MAGI2: variants seen among roughly 807,000 people sequenced by gnomAD.
The protein encoded by MAGI2 is membrane associated guanylate kinase, WW and PDZ domain containing 2, also known as membrane-associated guanylate kinase, WW and PDZ domain-containing protein 2.
A neutral mutation model predicts 133.3 loss-of-function variants in MAGI2; 35 were observed. The observed-to-expected ratio is 0.26, with a 90% CI of 0.20 to 0.35. The LOEUF (loss-of-function observed/expected upper bound fraction) is 0.35. Among genes scored for constraint, MAGI2 ranks in the 10% least tolerant of loss-of-function variants. The pLI, the probability that MAGI2 is intolerant of heterozygous loss-of-function variation, is 1.00. For synonymous variants in MAGI2, 729 were observed against 710.6 expected (o/e 1.03, Z -0.41); for missense variants, 1,636 against 1,863.4 (o/e 0.88, Z 2.25).
chr7:78,822,699 A>G (rs1780490348), intron 2 of MAGI2, among the ~76,000 whole-genome samples: 1 of 152,132 alleles, frequency 6.6e-6, no homozygotes, highest in South Asian at 2.1e-4. Context: ...TTCCCCACCT[A>G]CTGCCTGTTT....
chr7:79,067,467 T>C (rs1814470871), intron 1 of MAGI2, among the ~76,000 whole-genome samples: 1 of 152,190 alleles, frequency 6.6e-6, no homozygotes, highest in African/African-American at 2.4e-5. Flanking sequence ...ATCCCGAGAC[T>C]TTGCTGAAGT....
At chr7:79,026,103 G>A (rs1277850037) in intron 1 of MAGI2, among the ~76,000 whole-genome samples, 1 of 152,178 alleles carries the variant, frequency 6.6e-6, no homozygotes, top group Non-Finnish European at 1.5e-5. Context: ...TTCACTTTTA[G>A]ACATCTGAGG....
At chr7:78,755,017 C>T (rs1315407052) in intron 2 of MAGI2, among the ~76,000 whole-genome samples, 4 of 152,102 alleles carry the variant, frequency 2.6e-5, no homozygotes, top group African/African-American at 7.2e-5. Context: ...TTATAAAGCT[C>T]GGAATTTGCT....
intron 13 of MAGI2, among the ~76,000 whole-genome samples, chr7:78,183,807 G>C (rs138478700): frequency 6.6e-6 from 1 of 152,072 alleles, no homozygotes; most frequent in Non-Finnish European, 1.5e-5. Context: ...GGCTCAAGCT[G>C]TTTTCCCACC....
intron 6 of MAGI2, among the ~76,000 whole-genome samples, chr7:78,468,335 AG>A (rs1320323751): frequency 1.3e-5 from 2 of 152,172 alleles, no homozygotes; most frequent in African/African-American, 4.8e-5. Context: ...TAGTCCAGGC[AG>A]ACAATATAAA....
At chr7:78,366,876 C>G (rs1287644053) in intron 7 of MAGI2, among the ~76,000 whole-genome samples, 1 of 152,078 alleles carries the variant, frequency 6.6e-6, no homozygotes. Flanking sequence ...AAGACCATGA[C>G]AAATAATAGA....
chr7:78,264,909 C>T (rs1793849932), intron 9 of MAGI2, among the ~76,000 whole-genome samples: 2 of 152,108 alleles, frequency 1.3e-5, no homozygotes, highest in South Asian at 2.1e-4. Context: ...TTACCTTGAA[C>T]TTCTCTGATT....
At chr7:78,655,454 CAAA>C in intron 2 of MAGI2, among the ~76,000 whole-genome samples, 10 of 64,946 alleles carry the variant, frequency 1.5e-4, no homozygotes, top group East Asian at 5.2e-4. Flanking sequence ...AAAAAACAAC[CAAA>C]AAAAAAAAAA....
At chr7:79,272,807 T>G (rs1834970544) in intron 1 of MAGI2, among the ~76,000 whole-genome samples, 1 of 151,992 alleles carries the variant, frequency 6.6e-6, no homozygotes, top group Non-Finnish European at 1.5e-5. Context: ...GTTAATTGAG[T>G]TAATTCACAA....
At chr7:79,028,334 TATACAC>T (rs1415233214) in intron 1 of MAGI2, among the ~76,000 whole-genome samples, 1 of 31,862 alleles carries the variant, frequency 3.1e-5, no homozygotes, top group Non-Finnish European at 6.4e-5. Flanking sequence ...TATACATATA[TATACAC>T]ACACACACAC....
At chr7:79,189,947 CTTAA>C (rs1187792426) in intron 1 of MAGI2, among the ~76,000 whole-genome samples, 1 of 151,662 alleles carries the variant, frequency 6.6e-6, no homozygotes, top group African/African-American at 2.4e-5. Context: ...CTTTTTATGG[CTTAA>C]TTATTTATTT....
At chr7:78,508,371 T>C (rs894707130) in intron 4 of MAGI2, among the ~76,000 whole-genome samples, 6 of 152,214 alleles carry the variant, frequency 3.9e-5, no homozygotes, top group Admixed American at 3.9e-4. Flanking sequence ...CTGCAAATTA[T>C]TGTTTCATGC....
intron 6 of MAGI2, among the ~76,000 whole-genome samples, chr7:78,463,960 C>T (rs1790348782): frequency 6.6e-6 from 1 of 152,012 alleles, no homozygotes; most frequent in Admixed American, 6.6e-5. Flanking sequence ...AGCAGATGAA[C>T]AAGAGTGAGT....
At chr7:78,590,116 G>C (rs1450939807) in intron 3 of MAGI2, among the ~76,000 whole-genome samples, 1 of 152,190 alleles carries the variant, frequency 6.6e-6, no homozygotes, top group Non-Finnish European at 1.5e-5. Flanking sequence ...TTAGGGAGAG[G>C]CAGAAGAGGG....
At chr7:79,137,524 C>G (rs1203124917) in intron 1 of MAGI2, among the ~76,000 whole-genome samples, 4 of 150,382 alleles carry the variant, frequency 2.7e-5, no homozygotes, top group Non-Finnish European at 5.9e-5. Context: ...GTGATCTCAG[C>G]TCACTGCAAC....
At chr7:78,672,795 C>A (rs974426266) in intron 2 of MAGI2, among the ~76,000 whole-genome samples, 1 of 152,122 alleles carries the variant, frequency 6.6e-6, no homozygotes. Flanking sequence ...TTTAACAAGC[C>A]CTTCAGGTGA....
chr7:78,379,196 C>T (rs11762411), intron 6 of MAGI2, among the ~76,000 whole-genome samples: 6,970 of 151,770 alleles, frequency 0.046, 246 homozygotes, highest in Middle Eastern at 0.065. Flanking sequence ...TATTATAATA[C>T]GGGCAATAAA....
intron 6 of MAGI2, among the ~76,000 whole-genome samples, chr7:78,457,628 G>C (rs1267476849): frequency 6.6e-6 from 1 of 152,182 alleles, no homozygotes; most frequent in African/African-American, 2.4e-5. Flanking sequence ...AGGAGAAAGG[G>C]AGAGAAAAAG....
chr7:79,085,465 G>T (rs1190975773), intron 1 of MAGI2, among the ~76,000 whole-genome samples: 1 of 151,716 alleles, frequency 6.6e-6, no homozygotes, highest in Non-Finnish European at 1.5e-5. Context: ...CTGTTGTCTA[G>T]TAAGTCCAAT....
Sources: allele counts gnomAD v4.1 joint callset (sites outside exome capture counted in the v4.1 genomes callset), GRCh38; gene constraint gnomAD v4.1.1; transcripts MANE v1.5; gene names NCBI Gene and HGNC (gene_info 2026-07-23, HGNC 2026-07-21).